Variants in MIDEAS observed in about 807,000 individuals in gnomAD.
MIDEAS encodes mitotic deacetylase associated SANT domain protein.
A neutral mutation model predicts 102.7 loss-of-function variants in MIDEAS; 26 were observed. That is an observed-to-expected ratio of 0.25 (90% CI 0.19 to 0.35). The LOEUF (loss-of-function observed/expected upper bound fraction) is 0.35. MIDEAS is among the 10% of genes least tolerant of loss of function. The pLI, the probability that MIDEAS is intolerant of heterozygous loss-of-function variation, is 1.00. For missense variants in MIDEAS, 1,231 were observed against 1,435.6 expected, an observed-to-expected ratio of 0.86 and a Z score of 2.30; for synonymous variants, 585 against 591.0, an observed-to-expected ratio of 0.99 and a Z score of 0.15.
At chr14:73,750,258 G>GT (rs953905721) in intron 1 of MIDEAS, among the ~76,000 whole-genome samples, 7 of 152,104 alleles carry the variant, frequency 4.6e-5, no homozygotes, top group African/African-American at 1.7e-4. Context: ...TCTTTATCTT[G>GT]TGTCTTCCAA....
rs1259989600 is a variant in MIDEAS at position 73,718,856 on chromosome 14, C to T, written c.3287G>A (p.Gly1096Asp). Residue 1096 changes from glycine to aspartate, a missense_variant, in exon 13 of 13, where the codon GGC (glycine) becomes GAC (aspartate). This residue lies in a region of MIDEAS where 71 missense variants were observed against 51.9 expected (regional missense o/e 1.37). Transcript: ENST00000423556. ...TGGCTCCCGCGCTCAGCCCTTGTCG[C>T]CCGCACCGCTCTCCTCCCGCAGGGC... ...QQALREESGA[G>D]DKG 4.7e-6 allele frequency: 7 copies of T among 1,490,806 alleles called. No homozygotes were observed. In the Admixed American group the frequency reaches 1.4e-4, roughly 30 times the overall value. The allele number at this position is 1,490,806 out of a possible 1,614,324, so 92.3% of individuals were successfully genotyped here.
intron 1 of MIDEAS, among the ~76,000 whole-genome samples, chr14:73,771,127 A>C (rs148884753): frequency 0.017 from 2,646 of 152,282 alleles, 24 homozygotes; most frequent in Middle Eastern, 0.027. Flanking sequence ...CCTAATGAGC[A>C]TCCAGGCGTG....
intron 5 of MIDEAS, 87 bp from the exon 6 acceptor site, chr14:73,727,059 G>T (rs1166763051): frequency 1.7e-5 from 25 of 1,496,400 alleles, no homozygotes; most frequent in Non-Finnish European, 2.2e-5. Flanking sequence ...AGAAGATGAG[G>T]GGGAGCCGGC....
intron 12 of MIDEAS, 78 bp from the exon 13 acceptor site, chr14:73,719,086 G>A: frequency 6.9e-7 from 1 of 1,449,422 alleles, no homozygotes; most frequent in South Asian, 1.5e-5. Flanking sequence ...AGGAGCCCCA[G>A]CCTTCACCTT....
At position 73,729,788 on chromosome 14, in the gene MIDEAS, A is replaced by G; in HGVS notation, c.1947T>C (p.Phe649=). ...RLADHPSERS[F]ELPPYTPPPI... is the part of the protein sequence containing the mutation. ...GGGGCGGCGTGTAGGGAGGTAGCTC[A>G]AAGCTCCGCTCAGAGGGGTGGTCAG... The change falls in exon 4 of 13, where the codon TTT becomes TTC. Residue 649 remains phenylalanine (F), a synonymous_variant. Coordinates refer to ENST00000423556, the MANE Select transcript of MIDEAS (RefSeq NM_001367710.1). The G allele has an allele frequency of 6.2e-7, 1 of 1,613,076 alleles. No individual in the cohort carries two copies. Among genetic ancestry groups the G allele is most frequent in the East Asian group, 2.2e-5 (1 of 44,816 alleles).
rs192236631 is a variant in MIDEAS, at chr14:73,777,645, A to G, written c.-248+9457T>C. ...CTAGAATGCCCTGACTCCTTTTGCC[A>G]CCTGGTGGATGCCTACTCGTTTCTC... On this transcript the variant is annotated intron_variant, in intron 1 of 11. Transcript: ENST00000394071. 1.3e-3 allele frequency among the ~76,000 whole-genome samples: 201 copies of G among 152,000 alleles called. 1 individual carries two copies. The highest frequency in any genetic ancestry group is 4.6e-3 in the African/African-American group (190 of 41,532).
At chr14:73,752,837 A>AT (rs1487947768) in intron 1 of MIDEAS, among the ~76,000 whole-genome samples, 24 of 152,366 alleles carry the variant, frequency 1.6e-4, no homozygotes, top group African/African-American at 5.0e-4. Context: ...AAATACACCC[A>AT]GAGGCCTTTG....
rs139139732 is a variant in MIDEAS at position 73,721,370 on chromosome 14, T to C, written c.2864A>G (p.Gln955Arg). 1 of 1,614,160 alleles carries C rather than the reference T, an allele frequency of 6.2e-7. No homozygotes were observed. The highest frequency in any genetic ancestry group is 1.3e-5 in the African/African-American group (1 of 75,030). The change falls in exon 11 of 13, where the codon CAG becomes CGG. Residue 955 changes from glutamine to arginine, a missense_variant. By Grantham distance (43) the Gln-to-Arg change is conservative. Coordinates refer to ENST00000423556, the MANE Select transcript of MIDEAS (RefSeq NM_001367710.1). Reference sequence around the variant, plus strand: ...CCTGCTGCGCTCTCGCCCCTCTTCCTGCTCCTCCTTCTCTTGGATCTCTGG... The same window carrying C: ...CCTGCTGCGCTCTCGCCCCTCTTCCCGCTCCTCCTTCTCTTGGATCTCTGG... ...EVPEIQEKEE[Q>R]EEGRERSRRA...
chr14:73,751,788 T>C (rs1431694765), intron 1 of MIDEAS, among the ~76,000 whole-genome samples: 1 of 152,096 alleles, frequency 6.6e-6, no homozygotes, highest in Non-Finnish European at 1.5e-5. Context: ...TAATCCCAGC[T>C]ACTCGGGAGG....
chr14:73,758,418 C>T (rs890410860), intron 1 of MIDEAS, among the ~76,000 whole-genome samples: 1 of 152,218 alleles, frequency 6.6e-6, no homozygotes, highest in African/African-American at 2.4e-5. Flanking sequence ...GGTCCACCTT[C>T]ACTAGGCCTT....
chr14:73,739,335 A>G lies in MIDEAS; in HGVS notation c.674T>C (p.Val225Ala), dbSNP rs745609308. The G allele has an allele frequency of 6.2e-7, 1 of 1,606,170 alleles. No homozygotes were observed. Among genetic ancestry groups the G allele is most frequent in the African/African-American group, 1.3e-5 (1 of 74,802 alleles). Residue 225 changes from valine to alanine, a missense_variant, in exon 2 of 13, where the codon GTG (valine) becomes GCG (alanine). Val to Ala is a moderately conservative substitution (Grantham distance 64). This residue lies in a region of MIDEAS where 758 missense variants were observed against 856.0 expected (regional missense o/e 0.89). Transcript: ENST00000423556. ...GCCCTGCCGGAAGACCTGCCGGTTC[A>G]CCTGGTGGCCGAATGCCAGCTGGAA... ...QPFQLAFGHQVNRQVFRQGPP... is the reference protein window; with the variant it reads ...QPFQLAFGHQANRQVFRQGPP...
In MIDEAS at chr14:73,718,890, G is replaced by GGGC. The variant is rs532501646; in HGVS notation, c.3250_3252dup (p.Ala1084dup). 3.5e-5 allele frequency: 53 copies of GGGC among 1,518,366 alleles called. No individual in the cohort carries two copies. Among genetic ancestry groups the GGGC allele is most frequent in the African/African-American group, 1.5e-4 (11 of 71,762 alleles). 94.1% of individuals were successfully genotyped at this position (1,518,366 alleles called of 1,614,324 possible). ...CTCTCCTCCCGCAGGGCCTGCTGGT[G>GGGC]GGCGGCGGCGGCGGCAGCAGCGGCC... On this transcript the variant is annotated inframe_insertion, in exon 13 of 13. Coordinates refer to ENST00000423556, the MANE Select transcript of MIDEAS (RefSeq NM_001367710.1).
In MIDEAS at chr14:73,725,390, A is replaced by G; in HGVS notation, c.2486-30T>C. 6.3e-7 allele frequency: 1 copy of G among 1,592,938 alleles called. No homozygotes were observed. Among genetic ancestry groups the G allele is most frequent in the Non-Finnish European group, 8.6e-7 (1 of 1,161,086 alleles). On this transcript the variant is annotated intron_variant, in intron 8 of 12. Transcript: ENST00000423556. The surrounding 1 kb of genome is among the most constrained non-coding windows in gnomAD (Gnocchi z 4.1). ...GGGGCAAAGAGGCAGCCAGGGAGTGAGGTGGGCAGGGCCCTGGCCACTGCA... is the reference window on the plus strand; with the variant it reads ...GGGGCAAAGAGGCAGCCAGGGAGTGGGGTGGGCAGGGCCCTGGCCACTGCA...
intron 1 of MIDEAS, among the ~76,000 whole-genome samples, chr14:73,768,503 A>ATT (rs141239988): frequency 0.17 from 21,847 of 131,578 alleles, 2,626 homozygotes; most frequent in East Asian, 0.68. Context: ...AACTGAATTT[A>ATT]TTGCCAACTT....
Position 73,729,917 on chromosome 14 carries a change from G to C in MIDEAS, c.1818C>G (p.Pro606=), listed in dbSNP as rs779153346. Residue 606 remains proline, a synonymous_variant, in exon 4 of 13, where the codon CCC becomes CCG. Coordinates refer to ENST00000423556, the MANE Select transcript of MIDEAS (RefSeq NM_001367710.1). ...CCTTGGTGGGGATGATGAGGGGCTCGGGCCTGGGCCGCTGCTTTGGTTTCC... is the reference window on the plus strand; with the variant it reads ...CCTTGGTGGGGATGATGAGGGGCTCCGGCCTGGGCCGCTGCTTTGGTTTCC... The part of the protein sequence containing the change: ...SVRKPKQRPR[P]EPLIIPTKAG... 7 of 1,609,080 alleles carry C rather than the reference G, an allele frequency of 4.4e-6. No individual in the cohort carries two copies. The East Asian group carries it at 6.7e-5, about 15-fold the overall frequency.
At position 73,739,157 on chromosome 14, in the gene MIDEAS, T is replaced by C. The variant is rs930888193; in HGVS notation, c.852A>G (p.Gln284=). 2 of 1,613,674 alleles carry C rather than the reference T, an allele frequency of 1.2e-6. No individual in the cohort carries two copies. Among genetic ancestry groups the C allele is most frequent in the Non-Finnish European group, 1.7e-6 (2 of 1,179,824 alleles). Residue 284 remains glutamine (Q), a synonymous_variant, in exon 2 of 13, where the codon CAA becomes CAG. Transcript: ENST00000423556. ...FYSMPQQPSQ[Q]PQDFGLQPAG... is the part of the protein sequence containing the mutation. ...CTGGCTGCAGGCCAAAGTCCTGGGG[T>C]TGCTGCGAGGGTTGCTGCGGCATGG...
At chr14:73,783,541 A>C (rs777872269) in intron 1 of MIDEAS, among the ~76,000 whole-genome samples, 2 of 152,154 alleles carry the variant, frequency 1.3e-5, no homozygotes, top group African/African-American at 2.4e-5. Flanking sequence ...GACAGTGGGG[A>C]GCCATTGAAG....
Position 73,740,221 on chromosome 14 carries a change from T to C in MIDEAS, c.-213A>G. 2.0e-6 allele frequency: 1 copy of C among 495,588 alleles called. No homozygotes were observed. The highest frequency in any genetic ancestry group is 3.2e-6 in the Non-Finnish European group (1 of 310,054). 30.7% of individuals were successfully genotyped at this position (495,588 alleles called of 1,614,324 possible). A position where few individuals can be genotyped will look rare whatever the true frequency, so the allele number is the denominator to read the frequency against. ...GAGAGGCTCTGGGGCTCAGCTACTC[T>C]TCCCAGTTCATGATGCTCCACAGGG... On this transcript the variant is annotated 5_prime_UTR_variant, in exon 2 of 13. Coordinates refer to ENST00000423556, the MANE Select transcript of MIDEAS (RefSeq NM_001367710.1).
In MIDEAS at chr14:73,739,229, C is replaced by CTGCTGCTGCTGCTGCTGTGGT. The variant is rs765347499; in HGVS notation, c.759_779dup (p.Pro254_Gln260dup). On this transcript the variant is annotated inframe_insertion, in exon 2 of 13. Coordinates refer to ENST00000423556, the MANE Select transcript of MIDEAS (RefSeq NM_001367710.1). ...GCATCTGGGGTAGGGCTGCCTGCTGCTGCTGCTGCTGCTGCTGTGGTTGCT... is the reference window on the plus strand; with the variant it reads ...GCATCTGGGGTAGGGCTGCCTGCTGCTGCTGCTGCTGCTGCTGTGGTTGCTGCTGCTGCTGCTGTGGTTGCT... 22 of 1,611,684 alleles carry CTGCTGCTGCTGCTGCTGTGGT rather than the reference C, an allele frequency of 1.4e-5. No individual in the cohort carries two copies. In the African/African-American group the frequency reaches 1.5e-4, roughly 11 times the overall value.
Sources: allele counts gnomAD v4.1 joint callset (sites outside exome capture counted in the v4.1 genomes callset), GRCh38; gene constraint gnomAD v4.1.1; regional missense constraint gnomAD v4.1.1; non-coding constraint Gnocchi (gnomAD v3.1); transcripts MANE v1.5; gene names NCBI Gene and HGNC (gene_info 2026-07-23, HGNC 2026-07-21).